The following CUX1 variants were observed in gnomAD, a reference collection of about 807,000 sequenced individuals.
CUX1 encodes the protein protein CASP.
In CUX1, 31 loss-of-function variants were observed where a neutral mutation model predicts 158.8. The observed-to-expected ratio is 0.20, with a 90% CI of 0.15 to 0.26. The LOEUF is 0.26. CUX1 is among the 10% of genes least tolerant of loss of function. The probability of loss-of-function intolerance (pLI) is 1.00; values close to 1 mark genes in which losing one functional copy is unlikely to be tolerated. For synonymous variants in CUX1, 879 were observed against 862.1 expected, an observed-to-expected ratio of 1.02 and a Z score of -0.34; for missense variants, 1,589 against 2,014.6, an observed-to-expected ratio of 0.79 and a Z score of 4.04.
chr7:101,931,553 C>T (rs2129118543), intron 2 of CUX1, among the ~76,000 whole-genome samples: 1 of 152,274 alleles, frequency 6.6e-6, no homozygotes, highest in Middle Eastern at 3.4e-3. Context: ...CCTAGGCCCA[C>T]AGGTGGCAAA....
chr7:102,278,146 C>A, intron 18 of CUX1: 1 of 1,039,506 alleles, frequency 9.6e-7, no homozygotes. Flanking sequence ...ATGGGAGGGT[C>A]GGGGACCAAG....
At chr7:102,234,294 GTTTC>G in intron 22 of CUX1, 54 bp downstream of exon 22, 1 of 1,411,584 alleles carries the variant, frequency 7.1e-7, no homozygotes, top group African/African-American at 1.5e-5. Context: ...TAGACAGGCT[GTTTC>G]TTTCAAATCT....
downstream of CUX1, among the ~76,000 whole-genome samples, chr7:102,260,509 C>T (rs1323361366): frequency 2.7e-5 from 4 of 147,346 alleles, no homozygotes; most frequent in East Asian, 2.0e-4. Flanking sequence ...TGGGTTCAGG[C>T]GATTCTCCTG....
chr7:102,274,173 G>C, intron 15 of CUX1: 2 of 1,477,778 alleles, frequency 1.4e-6, no homozygotes, highest in Non-Finnish European at 1.9e-6. Flanking sequence ...ATTTGCCTTG[G>C]CCATGCTGAA....
intron 1 of CUX1, among the ~76,000 whole-genome samples, chr7:101,841,848 C>A (rs1440109278): frequency 2.6e-5 from 4 of 152,186 alleles, no homozygotes; most frequent in Admixed American, 1.3e-4. Context: ...GCATGAGCCA[C>A]CACTCCTGGC....
chr7:101,933,988 G>A (rs559991442), intron 2 of CUX1, among the ~76,000 whole-genome samples: 9 of 152,336 alleles, frequency 5.9e-5, no homozygotes, highest in Admixed American at 5.9e-4. Context: ...TGCTGAGGAA[G>A]TTTGCTTTGT....
At chr7:101,965,576 G>A (rs1439039630) in intron 2 of CUX1, among the ~76,000 whole-genome samples, 2 of 152,012 alleles carry the variant, frequency 1.3e-5, no homozygotes, top group Non-Finnish European at 2.9e-5. Context: ...GGCCAGGCGC[G>A]GTGGCTCACG....
chr7:101,995,203 A>C (rs1815692391), intron 2 of CUX1, among the ~76,000 whole-genome samples: 1 of 152,162 alleles, frequency 6.6e-6, no homozygotes, highest in Non-Finnish European at 1.5e-5. Context: ...CACTCCAGCC[A>C]TTCTGCCTGG....
chr7:102,167,277 AAAAG>A (rs1290143103), intron 9 of CUX1, among the ~76,000 whole-genome samples: 16 of 151,852 alleles, frequency 1.1e-4, no homozygotes, highest in African/African-American at 2.9e-4. Context: ...CAAAAAAAAA[AAAAG>A]AAAAGAAAAG....
At chr7:102,136,294 G>C (rs1375401574) in intron 8 of CUX1, among the ~76,000 whole-genome samples, 5 of 151,004 alleles carry the variant, frequency 3.3e-5, no homozygotes, top group African/African-American at 1.2e-4. Flanking sequence ...TGTATAGCCA[G>C]TTTACTATTG....
Position 101,995,512 on chromosome 7 carries a change from T to C in CUX1, c.142-32586T>C, listed in dbSNP as rs1487729684. 3.9e-5 allele frequency among the ~76,000 whole-genome samples: 6 copies of C among 152,254 alleles called. No homozygotes were observed. The East Asian group carries it at 1.2e-3, about 29-fold the overall frequency. On this transcript the variant is annotated intron_variant, in intron 2 of 23. Coordinates refer to ENST00000292535, the MANE Select transcript of CUX1 (RefSeq NM_181552.4). ...AAATGTCTGCAAGGCAAGGGCCATT[T>C]ACAGTAAACATGGTGGGAACTTAGC... is the stretch of plus-strand genomic sequence containing the variant.
chr7:101,936,166 G>T (rs949606670), intron 2 of CUX1, among the ~76,000 whole-genome samples: 1 of 151,652 alleles, frequency 6.6e-6, no homozygotes, highest in Admixed American at 6.6e-5. Flanking sequence ...GGAGATGCAG[G>T]TGGAGGATTC....
At chr7:101,985,845 T>G (rs1271912169) in intron 2 of CUX1, among the ~76,000 whole-genome samples, 1 of 152,224 alleles carries the variant, frequency 6.6e-6, no homozygotes, top group East Asian at 1.9e-4. Flanking sequence ...TACAAAAGCT[T>G]CCTTGTTTTT....
At chr7:102,278,167 C>A in intron 18 of CUX1, 2 of 748,396 alleles carry the variant, frequency 2.7e-6, no homozygotes, top group Non-Finnish European at 4.3e-6. Flanking sequence ...ACCTGCTGGG[C>A]AGCACTGGGC....
chr7:101,983,885 C>G (rs912355632), intron 2 of CUX1, among the ~76,000 whole-genome samples: 2 of 151,542 alleles, frequency 1.3e-5, no homozygotes, highest in African/African-American at 4.9e-5. Context: ...GGAGGGGACA[C>G]TAGCCGGGTG....
intron 4 of CUX1, among the ~76,000 whole-genome samples, chr7:102,092,158 T>C (rs201439): frequency 0.19 from 29,115 of 152,222 alleles, 2,933 homozygotes; most frequent in Middle Eastern, 0.29. Context: ...CTTCTTTTTA[T>C]ATCTTCTTTT....
intron 1 of CUX1, among the ~76,000 whole-genome samples, chr7:101,853,886 G>C (rs756573978): frequency 6.6e-6 from 1 of 152,162 alleles, no homozygotes; most frequent in Non-Finnish European, 1.5e-5. Context: ...CCAGTCTTCT[G>C]CCCACAGTGC....
rs782605307 is a variant in CUX1 at position 102,097,509 on chromosome 7, G to GA, written c.406+12dup. ...CTGAAGTGAAAAATCAAGGTTGGTGGAAAATGCGTTCTTTGCTTTTTCTTT... is the reference window on the plus strand; with the variant it reads ...CTGAAGTGAAAAATCAAGGTTGGTGGAAAAATGCGTTCTTTGCTTTTTCTTT... On this transcript the variant is annotated intron_variant, in intron 5 of 23. Transcript: ENST00000292535. 5 of 1,584,042 alleles carry GA rather than the reference G, an allele frequency of 3.2e-6. No homozygotes were observed. The highest frequency in any genetic ancestry group is 4.3e-6 in the Non-Finnish European group (5 of 1,171,650).
intron 20 of CUX1, among the ~76,000 whole-genome samples, chr7:102,208,990 C>G (rs1227758437): frequency 6.6e-6 from 1 of 152,216 alleles, no homozygotes; most frequent in Non-Finnish European, 1.5e-5. Context: ...AGCCACAGCC[C>G]TGCAGTAAGG....
Sources: gnomAD v4.1 joint callset for allele counts (sites outside exome capture counted in the v4.1 genomes callset) on GRCh38, gnomAD v4.1.1 for gene constraint, MANE v1.5 for transcripts, NCBI Gene and HGNC (gene_info 2026-07-23, HGNC 2026-07-21) for gene names.